GFRAL: variants seen among roughly 807,000 people sequenced by gnomAD.
GFRAL encodes the protein GDNF family receptor alpha like, also known as GDNF family receptor alpha-like.
A neutral mutation model predicts 45.4 loss-of-function variants in GFRAL; 36 were observed. The observed-to-expected ratio is 0.79, with a 90% CI of 0.61 to 1.05. GFRAL has a LOEUF of 1.05. Among genes scored for constraint, GFRAL ranks in the 50% least tolerant of loss-of-function variants. The pLI is 0.00. For missense variants in GFRAL, 507 were observed against 467.5 expected, an observed-to-expected ratio of 1.08 and a Z score of -0.78; for synonymous variants, 166 against 154.1, an observed-to-expected ratio of 1.08 and a Z score of -0.57.
At chr6:55,376,845 G>A (rs541920618) in intron 6 of GFRAL, among the ~76,000 whole-genome samples, 8 of 151,488 alleles carry the variant, frequency 5.3e-5, no homozygotes, top group African/African-American at 1.9e-4. Context: ...AATTTATCTT[G>A]GATCTTGGTT....
chr6:55,394,123 G>GGTA (rs1768791218), intron 6 of GFRAL, among the ~76,000 whole-genome samples: 1 of 152,142 alleles, frequency 6.6e-6, no homozygotes, highest in Admixed American at 6.5e-5. Context: ...GAATAATATA[G>GGTA]ATGGGCCATT....
chr6:55,359,184 A>G (rs780385510), intron 6 of GFRAL, 46 bp downstream of exon 6: 43 of 1,510,502 alleles, frequency 2.8e-5, no homozygotes, highest in Non-Finnish European at 3.7e-5. Flanking sequence ...CTATCTATCT[A>G]TCATCTATCT....
chr6:55,342,103 G>A (rs149145034), intron 3 of GFRAL, among the ~76,000 whole-genome samples: 1,989 of 152,292 alleles, frequency 0.013, 23 homozygotes, highest in Non-Finnish European at 0.022. Context: ...ACACTCTGCA[G>A]GATACTATCC....
chr6:55,385,332 C>G (rs1292986340), intron 6 of GFRAL, among the ~76,000 whole-genome samples: 1 of 152,000 alleles, frequency 6.6e-6, no homozygotes, highest in East Asian at 1.9e-4. Context: ...TAATAAACAT[C>G]TAAAGATACT....
At chr6:55,327,790 A>C (rs773782496) in intron 1 of GFRAL, among the ~76,000 whole-genome samples, 58 of 152,186 alleles carry the variant, frequency 3.8e-4, no homozygotes, top group Non-Finnish European at 5.4e-4. Context: ...CAGCATGTGA[A>C]AATTGTATTA....
chr6:55,372,415 G>A (rs1437701092), intron 6 of GFRAL, among the ~76,000 whole-genome samples: 3 of 152,112 alleles, frequency 2.0e-5, no homozygotes, highest in Admixed American at 2.0e-4. Flanking sequence ...TTTTGAGATT[G>A]TGATATAACA....
intron 3 of GFRAL, among the ~76,000 whole-genome samples, chr6:55,344,563 G>A (rs113057928): frequency 1.3e-5 from 2 of 152,014 alleles, no homozygotes; most frequent in African/African-American, 2.4e-5. Context: ...AGCTATTTAT[G>A]ACAAACCCAC....
At chr6:55,397,977 GCA>G (rs1768848939) in intron 6 of GFRAL, among the ~76,000 whole-genome samples, 1 of 152,032 alleles carries the variant, frequency 6.6e-6, no homozygotes, top group African/African-American at 2.4e-5. Flanking sequence ...TAGTACAATA[GCA>G]CACACTGTGC....
Position 55,350,106 on chromosome 6 carries a change from G to C in GFRAL, c.331G>C (p.Asp111His). ...TTTCCTTCTAGATAACGTGAAAGAG[G>C]ATAAATTCAAATGGAATCTAACTAC... ...CINKSDNVKE[D>H]KFKWNLTTRS... The change falls in exon 4 of 9, where the codon GAT becomes CAT. Residue 111 changes from aspartate (D) to histidine (H), a missense_variant. Transcript: ENST00000340465. 1.3e-6 allele frequency: 2 copies of C among 1,536,388 alleles called. No homozygotes were observed. Among genetic ancestry groups the C allele is most frequent in the African/African-American group, 1.4e-5 (1 of 73,504 alleles).
At chr6:55,379,391 T>C (rs1044153133) in intron 6 of GFRAL, among the ~76,000 whole-genome samples, 1 of 151,962 alleles carries the variant, frequency 6.6e-6, no homozygotes, top group Non-Finnish European at 1.5e-5. Flanking sequence ...ATTATGTTGA[T>C]TTGGATTAAG....
intron 6 of GFRAL, among the ~76,000 whole-genome samples, chr6:55,387,782 A>G (rs1450837120): frequency 2.6e-5 from 4 of 152,200 alleles, no homozygotes; most frequent in African/African-American, 7.2e-5. Flanking sequence ...TGCAAACATC[A>G]ATAAATATCT....
chr6:55,343,254 G>A lies in GFRAL; in HGVS notation c.317-6838G>A, dbSNP rs575431697. On this transcript the variant is annotated intron_variant, in intron 3 of 8. Transcript: ENST00000340465. ...TCTCAGCACCATATCACACTTATTCGAAAATTGACCACATAGTTGGAAGTA... is the reference window on the plus strand; with the variant it reads ...TCTCAGCACCATATCACACTTATTCAAAAATTGACCACATAGTTGGAAGTA... 7.9e-5 allele frequency among the ~76,000 whole-genome samples: 12 copies of A among 152,104 alleles called. 1 individual carries two copies. The highest frequency in any genetic ancestry group is 4.2e-4 in the South Asian group (2 of 4,818).
intron 6 of GFRAL, among the ~76,000 whole-genome samples, chr6:55,386,877 G>A: frequency 6.6e-6 from 1 of 152,116 alleles, no homozygotes; most frequent in Non-Finnish European, 1.5e-5. Context: ...ATTTGGCTAA[G>A]GCTTCCTATT....
At chr6:55,364,635 T>C (rs12183850) in intron 6 of GFRAL, among the ~76,000 whole-genome samples, 20,136 of 137,888 alleles carry the variant, frequency 0.15, 1,790 homozygotes, top group African/African-American at 0.24. Flanking sequence ...AGGAAGGGAT[T>C]CAGTTTCAGC....
intron 3 of GFRAL, among the ~76,000 whole-genome samples, chr6:55,342,375 T>C (rs556754013): frequency 1.3e-5 from 2 of 152,254 alleles, no homozygotes; most frequent in South Asian, 4.2e-4. Flanking sequence ...ATATTCAACA[T>C]TCTTAAAGAA....
chr6:55,342,026 A>G (rs535138864), intron 3 of GFRAL, among the ~76,000 whole-genome samples: 2 of 152,358 alleles, frequency 1.3e-5, no homozygotes, highest in Admixed American at 6.5e-5. Flanking sequence ...GGACTATATG[A>G]AAAGACCAAA....
rs73744212 is a variant in GFRAL, at chr6:55,359,077, A to G, written c.891A>G (p.Thr297=). The G allele has an allele frequency of 5.6e-3, 9,067 of 1,612,810 alleles. 351 individuals are homozygous for G. The African/African-American group carries it at 0.091, about 16-fold the overall frequency. The change falls in exon 6 of 9, where the codon ACA becomes ACG. Residue 297 remains threonine, a synonymous_variant. Transcript: ENST00000340465. ...TGCAATGTACCTGTAGGACCATTAC[A>G]CAAAGTGAGGAATCTTTGTGTAAGA... ...LQVQCTCRTI[T]QSEESLCKIF...
chr6:55,338,906 A>T (rs1489560260), intron 3 of GFRAL, among the ~76,000 whole-genome samples: 1 of 152,160 alleles, frequency 6.6e-6, no homozygotes, highest in East Asian at 1.9e-4. Flanking sequence ...GCTATTACAT[A>T]TTTTAAATAG....
intron 3 of GFRAL, among the ~76,000 whole-genome samples, chr6:55,336,423 A>C (rs1261464655): frequency 1.3e-5 from 2 of 152,224 alleles, no homozygotes; most frequent in Admixed American, 6.5e-5. Flanking sequence ...GTAGTTCATC[A>C]GTATTTGATA....
Sources: gnomAD v4.1 joint callset for allele counts (sites outside exome capture counted in the v4.1 genomes callset) on GRCh38, gnomAD v4.1.1 for gene constraint, MANE v1.5 for transcripts, NCBI Gene and HGNC (gene_info 2026-07-23, HGNC 2026-07-21) for gene names.